CCDC125: variants seen among roughly 807,000 people sequenced by gnomAD.
The protein encoded by CCDC125 is coiled-coil domain containing 125.
A neutral mutation model predicts 57.4 loss-of-function variants in CCDC125; 43 were observed. The observed-to-expected ratio is 0.75, with a 90% CI of 0.59 to 0.97. The LOEUF (loss-of-function observed/expected upper bound fraction) is 0.97. Ranked by LOEUF, CCDC125 falls within the 50% of genes least tolerant of loss-of-function variation. The pLI is 0.00. For missense variants in CCDC125, 563 were observed against 595.7 expected, an observed-to-expected ratio of 0.95 and a Z score of 0.57; for synonymous variants, 187 against 195.2, an observed-to-expected ratio of 0.96 and a Z score of 0.35.
At chr5:69,275,012 C>T in the CCDC125 span, among the ~76,000 whole-genome samples, 1 of 147,500 alleles carries the variant, frequency 6.8e-6, no homozygotes, top group Non-Finnish European at 1.5e-5. Context: ...TGCAGTGAGC[C>T]AAGATTGTGC....
intron 5 of CCDC125, 136 bp downstream of exon 5, chr5:69,307,815 G>T: frequency 1.5e-6 from 1 of 654,102 alleles, no homozygotes; most frequent in East Asian, 2.7e-5. Context: ...AACTCCAAAA[G>T]GGAAGACCAT....
Position 69,294,854 on chromosome 5 carries a change from G to C in CCDC125, c.863C>G (p.Pro288Arg). The C allele has an allele frequency of 1.2e-6, 2 of 1,614,168 alleles. No homozygotes were observed. The highest frequency in any genetic ancestry group is 1.7e-6 in the Non-Finnish European group (2 of 1,180,034). Residue 288 changes from proline (P) to arginine (R), a missense_variant, in exon 9 of 12, where the codon CCC (proline) becomes CGC (arginine). Pro to Arg is a moderately radical substitution (Grantham distance 103). Transcript: ENST00000396496. Reference protein sequence around the residue: ...ACLCHGPGGNPCSCARMAAST... With the variant: ...ACLCHGPGGNRCSCARMAAST... ...TGCTGCCATTCTGGCACAAGAACAG[G>C]GGTTCCCTCCGGGCCCATGACAAAG...
chr5:69,290,367 A>G (rs1003642138), intron 10 of CCDC125, among the ~76,000 whole-genome samples: 2 of 151,338 alleles, frequency 1.3e-5, no homozygotes, highest in Admixed American at 6.6e-5. Flanking sequence ...CAGTGGCGCA[A>G]TCTTGGCTCA....
intron 3 of CCDC125, chr5:69,313,572 C>T: frequency 1.3e-6 from 1 of 741,370 alleles, no homozygotes; most frequent in Non-Finnish European, 2.5e-6. Context: ...AGAAGATAAA[C>T]ACCAGGTCCT....
intron 1 of CCDC125, among the ~76,000 whole-genome samples, chr5:69,321,908 C>G (rs949076280): frequency 6.6e-6 from 1 of 152,060 alleles, no homozygotes; most frequent in Non-Finnish European, 1.5e-5. Flanking sequence ...GCAATCTTGA[C>G]TCACCACAAA....
chr5:69,322,971 C>T (rs56315603), intron 1 of CCDC125, among the ~76,000 whole-genome samples: 143,846 of 152,006 alleles, frequency 0.95, 68,323 homozygotes, highest in East Asian at 1. Flanking sequence ...ACTGTGCCTC[C>T]ACACTCCAGC....
intron 11 of CCDC125, among the ~76,000 whole-genome samples, chr5:69,283,439 CTG>C (rs1003800459): frequency 5.3e-5 from 8 of 152,018 alleles, no homozygotes; most frequent in Admixed American, 2.6e-4. Flanking sequence ...CCAGGATGGT[CTG>C]AATCTCCTGA....
At chr5:69,311,680 G>A (rs978051714) in intron 3 of CCDC125, among the ~76,000 whole-genome samples, 1 of 151,400 alleles carries the variant, frequency 6.6e-6, no homozygotes, top group Non-Finnish European at 1.5e-5. Flanking sequence ...GCTGGGCATG[G>A]TGGCTCACAC....
downstream of CCDC125, among the ~76,000 whole-genome samples, chr5:69,278,819 G>A (rs1023569921): frequency 1.4e-5 from 2 of 141,870 alleles, no homozygotes; most frequent in African/African-American, 5.3e-5. Flanking sequence ...TTCCACCTCT[G>A]TCCCCAGTAG....
At chr5:69,303,785 T>C (rs1756891322) in intron 7 of CCDC125, 62 bp downstream of exon 7, 1 of 972,112 alleles carries the variant, frequency 1.0e-6, no homozygotes, top group South Asian at 1.4e-5. Flanking sequence ...GTATATTATT[T>C]CAAAATACTA....
chr5:69,303,519 C>G (rs548537373), intron 7 of CCDC125, among the ~76,000 whole-genome samples: 2 of 151,788 alleles, frequency 1.3e-5, no homozygotes, highest in South Asian at 4.2e-4. Context: ...TGCGCACCAC[C>G]ATGTCTCGCT....
chr5:69,283,792 AT>A (rs35950289), intron 11 of CCDC125, among the ~76,000 whole-genome samples: 56,871 of 139,500 alleles, frequency 0.41, 10,824 homozygotes, highest in Middle Eastern at 0.43. Flanking sequence ...CAGGCTGACA[AT>A]TTTTTTTTTT....
At chr5:69,309,373 C>G (rs1365611589) in intron 4 of CCDC125, 1 of 152,322 alleles carries the variant, frequency 6.6e-6, no homozygotes, top group Non-Finnish European at 1.5e-5. Flanking sequence ...GACTTGGTGC[C>G]CTGCGTCCCA....
At chr5:69,325,837 A>G (rs1157704355) in intron 1 of CCDC125, among the ~76,000 whole-genome samples, 2 of 150,604 alleles carry the variant, frequency 1.3e-5, no homozygotes, top group Non-Finnish European at 3.0e-5. Context: ...AAAAAAAAAA[A>G]AAAAAAAAAA....
rs760148913 is a variant in CCDC125, at chr5:69,320,541, G to A, written c.-1C>T. Reference sequence around the variant, plus strand: ...TTGATGATCTTGCCACCTTGCTCATGAGCCAAATGCCGTCTTTATCATAAG... The same window carrying A: ...TTGATGATCTTGCCACCTTGCTCATAAGCCAAATGCCGTCTTTATCATAAG... On this transcript the variant is annotated 5_prime_UTR_variant, in exon 2 of 12. Coordinates refer to ENST00000396496, the MANE Select transcript of CCDC125 (RefSeq NM_176816.5). 29 of 1,602,110 alleles carry A rather than the reference G, an allele frequency of 1.8e-5. No homozygotes were observed. The highest frequency in any genetic ancestry group is 3.3e-5 in the South Asian group (3 of 89,694).
At chr5:69,298,870 G>A (rs1363586550) in intron 8 of CCDC125, among the ~76,000 whole-genome samples, 1 of 152,160 alleles carries the variant, frequency 6.6e-6, no homozygotes, top group Non-Finnish European at 1.5e-5. Flanking sequence ...TCTGTCTACA[G>A]GCTGCAAATC....
chr5:69,321,777 G>A (rs113909252), intron 1 of CCDC125, among the ~76,000 whole-genome samples: 16 of 152,282 alleles, frequency 1.1e-4, no homozygotes, highest in African/African-American at 3.9e-4. Flanking sequence ...GAATATCCTA[G>A]CAATGCACTC....
Position 69,315,930 on chromosome 5 carries a change from T to TA in CCDC125, c.305-1885dup, listed in dbSNP as rs34485198. 4.2e-3 allele frequency among the ~76,000 whole-genome samples: 499 copies of TA among 118,062 alleles called. 4 individuals are homozygous for TA. The highest frequency in any genetic ancestry group is 0.014 in the African/African-American group (431 of 31,738). 77.5% of individuals were successfully genotyped at this position (118,062 alleles called of 152,430 possible). A position where few individuals can be genotyped will look rare whatever the true frequency, so the allele number is the denominator to read the frequency against. On this transcript the variant is annotated intron_variant, in intron 2 of 11. Transcript: ENST00000396496. ...ATTTTCCTTTCTGCCTCAACGGCAG[T>TA]AAAAAAAAAAAAAAAAAAAAAAATT...
At chr5:69,307,411 G>A (rs961824416) in intron 5 of CCDC125, among the ~76,000 whole-genome samples, 4 of 151,974 alleles carry the variant, frequency 2.6e-5, no homozygotes, top group Non-Finnish European at 4.4e-5. Flanking sequence ...GGCTGGGCAC[G>A]GTGTCTCACG....
Sources: gnomAD v4.1 joint callset for allele counts (sites outside exome capture counted in the v4.1 genomes callset) on GRCh38, gnomAD v4.1.1 for gene constraint, MANE v1.5 for transcripts, NCBI Gene and HGNC (gene_info 2026-07-23, HGNC 2026-07-21) for gene names.